The following NKAIN2 variants were observed in gnomAD, a reference collection of about 807,000 sequenced individuals.
NKAIN2 encodes sodium/potassium transporting ATPase interacting 2.
Under a neutral mutation model 32.6 loss-of-function variants are expected in NKAIN2, and 14 were observed. The observed-to-expected ratio is 0.43, with a 90% CI of 0.28 to 0.67. NKAIN2 has a LOEUF of 0.67. NKAIN2 is among the 30% of genes least tolerant of loss of function. NKAIN2 has a pLI of 0.17. For synonymous variants in NKAIN2, 80 were observed against 87.2 expected (o/e 0.92, Z 0.46); for missense variants, 198 against 258.3 (o/e 0.77, Z 1.60).
At chr6:124,553,267 TA>T (rs1483859021) in intron 3 of NKAIN2, among the ~76,000 whole-genome samples, 2 of 152,330 alleles carry the variant, frequency 1.3e-5, no homozygotes, top group East Asian at 3.9e-4. Context: ...TAGCATTTAT[TA>T]AACATCTACT....
At chr6:124,533,793 TG>T (rs1297477057) in intron 3 of NKAIN2, among the ~76,000 whole-genome samples, 18 of 152,306 alleles carry the variant, frequency 1.2e-4, no homozygotes, top group Middle Eastern at 3.4e-3. Context: ...TCCCACAGTT[TG>T]GGAAGCTGAG....
intron 1 of NKAIN2, among the ~76,000 whole-genome samples, chr6:123,809,240 T>C (rs1181688643): frequency 6.6e-6 from 1 of 152,148 alleles, no homozygotes; most frequent in Non-Finnish European, 1.5e-5. Flanking sequence ...TGAACTCTTC[T>C]GATTTTTGTT....
At chr6:124,177,621 G>T (rs2114527757) in intron 1 of NKAIN2, among the ~76,000 whole-genome samples, 1 of 152,250 alleles carries the variant, frequency 6.6e-6, no homozygotes, top group South Asian at 2.1e-4. Context: ...TGTTATGGTT[G>T]AAAGTTTTTT....
Position 124,369,880 on chromosome 6 carries a change from A to ATTTT in NKAIN2, c.273+14548_273+14551dup, listed in dbSNP as rs61588781. 4.1e-4 allele frequency among the ~76,000 whole-genome samples: 34 copies of ATTTT among 82,372 alleles called. 1 individual carries two copies. The highest frequency in any genetic ancestry group is 1.3e-3 in the African/African-American group (22 of 17,516). 54.0% of individuals were successfully genotyped at this position (82,372 alleles called of 152,430 possible). On this transcript the variant is annotated intron_variant, in intron 3 of 6. Coordinates refer to ENST00000368417, the MANE Select transcript of NKAIN2 (RefSeq NM_001040214.3). ...ATTTGCTTTAGAGGGCAGAATGTCA[A>ATTTT]TTTTTTTTTTTTTTTTTTAACCTGT...
chr6:124,080,993 G>A (rs139782276), intron 1 of NKAIN2, among the ~76,000 whole-genome samples: 1 of 152,126 alleles, frequency 6.6e-6, no homozygotes, highest in Admixed American at 6.5e-5. Flanking sequence ...TTTCAGGGCA[G>A]TTAGTTTCAA....
In NKAIN2 at chr6:124,343,227, T is replaced by C. The variant is rs563547652; in HGVS notation, c.193-12040T>C. Among the ~76,000 whole-genome samples, 5 of 152,206 alleles carry C rather than the reference T, an allele frequency of 3.3e-5. No individual in the cohort carries two copies. The East Asian group carries it at 9.7e-4, about 29-fold the overall frequency. ...TGCCACATTTTCTTAATCCAATCTA[T>C]CATTGTTGGACATTTGGGTTGGTTC... On this transcript the variant is annotated intron_variant, in intron 2 of 6. Transcript: ENST00000368417.
chr6:124,038,186 G>A (rs993139045), intron 1 of NKAIN2, among the ~76,000 whole-genome samples: 1 of 151,952 alleles, frequency 6.6e-6, no homozygotes, highest in Non-Finnish European at 1.5e-5. Flanking sequence ...ATTTAGAGGA[G>A]GCTAAAATAT....
intron 1 of NKAIN2, among the ~76,000 whole-genome samples, chr6:124,095,383 C>A (rs1170582964): frequency 6.6e-6 from 1 of 152,172 alleles, no homozygotes; most frequent in South Asian, 2.1e-4. Context: ...CATTCTGAAT[C>A]TGAATAAGGC....
intron 3 of NKAIN2, among the ~76,000 whole-genome samples, chr6:124,421,374 C>T (rs377108065): frequency 3.4e-4 from 52 of 152,236 alleles, no homozygotes; most frequent in African/African-American, 1.2e-3. Flanking sequence ...AGTGATTACA[C>T]GTGGAGATGA....
intron 4 of NKAIN2, among the ~76,000 whole-genome samples, chr6:124,737,286 G>A (rs1248497063): frequency 9.2e-5 from 14 of 151,848 alleles, no homozygotes; most frequent in Non-Finnish European, 1.5e-5. Context: ...CTTGTGATAA[G>A]TCAATGAGTT....
At chr6:123,913,304 C>G (rs914971815) in intron 1 of NKAIN2, among the ~76,000 whole-genome samples, 1 of 152,068 alleles carries the variant, frequency 6.6e-6, no homozygotes, top group Non-Finnish European at 1.5e-5. Flanking sequence ...CAAAAGTGAT[C>G]AGAGAATAAA....
At position 123,838,386 on chromosome 6, in the gene NKAIN2, A is replaced by G. The variant is rs115258472; in HGVS notation, c.54+34132A>G. ...CCTCATAAATTCTGGAGAATGATTT[A>G]TATAATAATGAGTGTCCTTGTCTCT... is the stretch of plus-strand genomic sequence containing the variant. On this transcript the variant is annotated intron_variant, in intron 1 of 6. Transcript: ENST00000368417. 2.5e-3 allele frequency among the ~76,000 whole-genome samples: 385 copies of G among 152,282 alleles called. 2 individuals carry two copies. Among genetic ancestry groups the G allele is most frequent in the African/African-American group, 9.0e-3 (373 of 41,568 alleles).
chr6:124,269,506 C>T (rs1370072762), intron 1 of NKAIN2, among the ~76,000 whole-genome samples: 1 of 142,862 alleles, frequency 7.0e-6, no homozygotes, highest in Non-Finnish European at 1.5e-5. Flanking sequence ...TCACTCTTGT[C>T]ACCTAGGCTG....
At chr6:123,995,987 A>C (rs7748718) in intron 1 of NKAIN2, among the ~76,000 whole-genome samples, 13,132 of 152,214 alleles carry the variant, frequency 0.086, 729 homozygotes, top group Admixed American at 0.15. Flanking sequence ...ATTGGTTTGC[A>C]ATCTTGATAG....
intron 4 of NKAIN2, among the ~76,000 whole-genome samples, chr6:124,782,782 A>G (rs945975481): frequency 1.2e-4 from 18 of 152,186 alleles, no homozygotes; most frequent in Admixed American, 7.9e-4. Flanking sequence ...TACATTTTAC[A>G]GAACATTTAA....
chr6:124,273,302 G>T (rs557281508), intron 1 of NKAIN2, among the ~76,000 whole-genome samples: 2 of 76,354 alleles, frequency 2.6e-5, no homozygotes, highest in South Asian at 6.1e-4. Flanking sequence ...TCTCATGATA[G>T]TTAGTGAGTT....
At chr6:124,024,333 T>C (rs1781008430) in intron 1 of NKAIN2, among the ~76,000 whole-genome samples, 1 of 152,156 alleles carries the variant, frequency 6.6e-6, no homozygotes. Context: ...CTGAATGGCC[T>C]TTAGAAAAGG....
chr6:124,657,831 T>G (rs564021996), intron 3 of NKAIN2, among the ~76,000 whole-genome samples: 5 of 152,166 alleles, frequency 3.3e-5, no homozygotes, highest in African/African-American at 1.2e-4. Flanking sequence ...TGAACTTCAC[T>G]TGATAAAAGT....
At chr6:124,752,358 A>G (rs1777760346) in intron 4 of NKAIN2, among the ~76,000 whole-genome samples, 1 of 152,074 alleles carries the variant, frequency 6.6e-6, no homozygotes, top group African/African-American at 2.4e-5. Flanking sequence ...TCCCTAAAAC[A>G]TACTTTAGGC....
Sources: allele counts gnomAD v4.1 joint callset (sites outside exome capture counted in the v4.1 genomes callset), GRCh38; gene constraint gnomAD v4.1.1; transcripts MANE v1.5; gene names NCBI Gene and HGNC (gene_info 2026-07-23, HGNC 2026-07-21).